RGS6: variants seen among roughly 807,000 people sequenced by gnomAD.
RGS6 encodes regulator of G-protein signaling 6.
Under a neutral mutation model 78.5 loss-of-function variants are expected in RGS6, and 30 were observed. That is an observed-to-expected ratio of 0.38 (90% CI 0.29 to 0.52). The LOEUF is 0.52. Among genes scored for constraint, RGS6 ranks in the 20% least tolerant of loss-of-function variants. The probability of loss-of-function intolerance (pLI) is 0.85; values close to 1 mark genes in which losing one functional copy is unlikely to be tolerated. For synonymous variants in RGS6, 206 were observed against 206.0 expected (o/e 1.00, Z 0.00); for missense variants, 495 against 609.7 (o/e 0.81, Z 1.98).
chr14:72,188,978 T>C (rs978837643), intron 2 of RGS6, among the ~76,000 whole-genome samples: 2 of 152,158 alleles, frequency 1.3e-5, no homozygotes, highest in African/African-American at 2.4e-5. Context: ...TAGAACGAGG[T>C]GCTCGAGGGA....
At chr14:72,265,818 G>T (rs1320110005) in intron 2 of RGS6, among the ~76,000 whole-genome samples, 1 of 152,122 alleles carries the variant, frequency 6.6e-6, no homozygotes, top group Non-Finnish European at 1.5e-5. Context: ...AGCTGCCTGT[G>T]CAAAGCCTCC....
At chr14:72,118,494 C>T (rs2095963660) in intron 2 of RGS6, among the ~76,000 whole-genome samples, 1 of 152,202 alleles carries the variant, frequency 6.6e-6, no homozygotes, top group Admixed American at 6.5e-5. Flanking sequence ...AAATGATTTA[C>T]TTTCATATTG....
At chr14:71,922,780 C>T in the RGS6 span, among the ~76,000 whole-genome samples, 1 of 151,942 alleles carries the variant, frequency 6.6e-6, no homozygotes, top group Non-Finnish European at 1.5e-5. Context: ...CAGTACTGGC[C>T]AGGTATTTTG....
rs1280345721 is a variant in RGS6 at position 72,501,722 on chromosome 14, T to A, written c.965+6460T>A. 2.0e-5 allele frequency among the ~76,000 whole-genome samples: 3 copies of A among 152,154 alleles called. No homozygotes were observed. In the East Asian group the frequency reaches 5.8e-4, roughly 29 times the overall value. ...GATGCTGGAGTCTAATGAAACCTGG[T>A]GTTGTCAGCAGAATGTGGTTTGTGA... On this transcript the variant is annotated intron_variant, in intron 13 of 17. Coordinates refer to ENST00000553525, the MANE Select transcript of RGS6 (RefSeq NM_001204424.2).
intron 2 of RGS6, among the ~76,000 whole-genome samples, chr14:72,046,915 A>G (rs1312163582): frequency 6.6e-6 from 1 of 152,200 alleles, no homozygotes; most frequent in Non-Finnish European, 1.5e-5. Context: ...AGTATCGACA[A>G]ATAGTAAAAA....
At chr14:72,573,560 A>G in the RGS6 span, among the ~76,000 whole-genome samples, 1 of 152,170 alleles carries the variant, frequency 6.6e-6, no homozygotes, top group African/African-American at 2.4e-5. Flanking sequence ...GTTTCCTTTG[A>G]GCTTGAGAAC....
intron 2 of RGS6, among the ~76,000 whole-genome samples, chr14:72,027,100 G>C (rs2153307241): frequency 6.6e-6 from 1 of 152,238 alleles, no homozygotes; most frequent in East Asian, 1.9e-4. Flanking sequence ...GAGGAAATGG[G>C]TGGAGGCTGA....
At chr14:72,501,718 CTGG>C (rs1212942166) in intron 13 of RGS6, among the ~76,000 whole-genome samples, 1 of 152,116 alleles carries the variant, frequency 6.6e-6, no homozygotes, top group Non-Finnish European at 1.5e-5. Context: ...CTAATGAAAC[CTGG>C]TGTTGTCAGC....
chr14:72,138,453 T>TTTTTTTTTTTG (rs1555503668), intron 2 of RGS6, among the ~76,000 whole-genome samples: 18 of 148,952 alleles, frequency 1.2e-4, no homozygotes, highest in African/African-American at 4.4e-4. Context: ...GTACCTGTTT[T>TTTTTTTTTTTG]TTTTTTTTTT....
At chr14:72,167,912 C>T (rs978891427) in intron 2 of RGS6, among the ~76,000 whole-genome samples, 3 of 152,058 alleles carry the variant, frequency 2.0e-5, no homozygotes, top group Non-Finnish European at 4.4e-5. Context: ...GGAGCACCTG[C>T]CTAGAAGTCC....
intron 2 of RGS6, among the ~76,000 whole-genome samples, chr14:72,331,446 A>T (rs181672036): frequency 4.9e-4 from 74 of 152,178 alleles, no homozygotes; most frequent in African/African-American, 1.7e-3. Context: ...TTTATTATAG[A>T]GGGTGGAATA....
chr14:72,580,513 G>T, the RGS6 span, among the ~76,000 whole-genome samples: 2 of 152,170 alleles, frequency 1.3e-5, no homozygotes, highest in East Asian at 1.9e-4. Flanking sequence ...CAGGCCCTGG[G>T]AGGAATGCAC....
At chr14:72,590,394 C>T in the RGS6 span, among the ~76,000 whole-genome samples, 11 of 152,318 alleles carry the variant, frequency 7.2e-5, no homozygotes, top group Middle Eastern at 3.4e-3. Context: ...CAAATGTTCA[C>T]CGACAGGTGA....
the RGS6 span, among the ~76,000 whole-genome samples, chr14:72,578,179 T>G: frequency 6.6e-6 from 1 of 152,238 alleles, no homozygotes; most frequent in Non-Finnish European, 1.5e-5. Context: ...CTTTTACTAA[T>G]TTTAGGAAAG....
chr14:72,094,687 CCT>C (rs988480200), intron 2 of RGS6, among the ~76,000 whole-genome samples: 1 of 152,058 alleles, frequency 6.6e-6, no homozygotes, highest in Non-Finnish European at 1.5e-5. Flanking sequence ...TGCTTTAACT[CCT>C]CTCTTTTTTA....
At chr14:72,501,056 CAGTG>C (rs1354088494) in intron 13 of RGS6, among the ~76,000 whole-genome samples, 1 of 152,044 alleles carries the variant, frequency 6.6e-6, no homozygotes, top group African/African-American at 2.4e-5. Flanking sequence ...AAAGGAGAGA[CAGTG>C]AGAATGCAGG....
intron 2 of RGS6, among the ~76,000 whole-genome samples, chr14:72,021,763 C>T (rs562362419): frequency 5.3e-5 from 8 of 151,200 alleles, no homozygotes; most frequent in Non-Finnish European, 1.0e-4. Flanking sequence ...TGGGCCACTG[C>T]GCCTGGCCTT....
intron 2 of RGS6, among the ~76,000 whole-genome samples, chr14:71,977,990 G>A (rs1033199896): frequency 5.3e-5 from 8 of 151,512 alleles, no homozygotes; most frequent in South Asian, 2.1e-4. Context: ...TCCCTTGTAA[G>A]TTGGATTCCT....
chr14:72,482,470 T>TA (rs200987670), intron 12 of RGS6, among the ~76,000 whole-genome samples: 1 of 152,184 alleles, frequency 6.6e-6, no homozygotes, highest in Non-Finnish European at 1.5e-5. Context: ...CTCAGTGGCT[T>TA]AAAAAATAGG....
Sources: allele counts gnomAD v4.1 joint callset (sites outside exome capture counted in the v4.1 genomes callset), GRCh38; gene constraint gnomAD v4.1.1; transcripts MANE v1.5; gene names NCBI Gene and HGNC (gene_info 2026-07-23, HGNC 2026-07-21).